NRG2: variants seen among roughly 807,000 people sequenced by gnomAD.
NRG2 encodes the protein neuregulin 2.
In NRG2, 27 loss-of-function variants were observed where a neutral mutation model predicts 73.9. The observed-to-expected ratio is 0.37, with a 90% CI of 0.27 to 0.50. The LOEUF (loss-of-function observed/expected upper bound fraction) is 0.50, where lower values mean the gene tolerates loss of function less well. Among genes scored for constraint, NRG2 ranks in the 20% least tolerant of loss-of-function variants. The probability of loss-of-function intolerance (pLI) is 0.96; values close to 1 mark genes in which losing one functional copy is unlikely to be tolerated. For synonymous variants in NRG2, 532 were observed against 541.0 expected, an observed-to-expected ratio of 0.98 and a Z score of 0.23; for missense variants, 1,126 against 1,210.1, an observed-to-expected ratio of 0.93 and a Z score of 1.03.
chr5:139,982,615 G>GCGAGTTTC (rs1189103619), intron 1 of NRG2, among the ~76,000 whole-genome samples: 1 of 152,236 alleles, frequency 6.6e-6, no homozygotes, highest in African/African-American at 2.4e-5. Context: ...GTCCTAGACA[G>GCGAGTTTC]CGAGTTTCCG....
intron 1 of NRG2, among the ~76,000 whole-genome samples, chr5:140,019,909 G>A (rs992038226): frequency 1.7e-4 from 26 of 152,028 alleles, no homozygotes; most frequent in Admixed American, 1.5e-3. Context: ...CTACCTCCAC[G>A]CCCGGCTAAT....
At chr5:139,963,730 A>G (rs996970496) in intron 1 of NRG2, among the ~76,000 whole-genome samples, 2 of 152,318 alleles carry the variant, frequency 1.3e-5, no homozygotes, top group African/African-American at 4.8e-5. Context: ...GCCTGACTCT[A>G]GAGTCCACCT....
intron 1 of NRG2, among the ~76,000 whole-genome samples, chr5:139,931,603 G>C (rs545004778): frequency 6.6e-6 from 1 of 152,224 alleles, no homozygotes; most frequent in East Asian, 1.9e-4. Flanking sequence ...AGAAGATAAA[G>C]AATTCAAAGG....
At chr5:139,949,693 A>AGAGAACTTTCCTTTAG (rs1259147104) in intron 1 of NRG2, among the ~76,000 whole-genome samples, 1 of 152,246 alleles carries the variant, frequency 6.6e-6, no homozygotes, top group East Asian at 1.9e-4. Context: ...TATTTGGTGC[A>AGAGAACTTTCCTTTAG]GAGAACTTTC....
chr5:139,879,707 G>A (rs1763405530), intron 3 of NRG2, among the ~76,000 whole-genome samples: 1 of 152,182 alleles, frequency 6.6e-6, no homozygotes, highest in South Asian at 2.1e-4. Context: ...TCTGGTTCAG[G>A]TGACTAGGGA....
At chr5:139,889,731 G>C (rs528145295) in intron 1 of NRG2, among the ~76,000 whole-genome samples, 1 of 152,286 alleles carries the variant, frequency 6.6e-6, no homozygotes, top group East Asian at 1.9e-4. Context: ...CTGTATGGGG[G>C]AGGATGGCTC....
chr5:139,989,012 T>C (rs1425906882), intron 1 of NRG2, among the ~76,000 whole-genome samples: 3 of 152,150 alleles, frequency 2.0e-5, no homozygotes, highest in East Asian at 3.9e-4. Context: ...AGAAAGACAT[T>C]AATTGAATTT....
intron 1 of NRG2, among the ~76,000 whole-genome samples, chr5:139,924,619 A>G (rs1008428496): frequency 3.9e-5 from 6 of 152,350 alleles, no homozygotes; most frequent in African/African-American, 1.2e-4. Flanking sequence ...TTTCATTAAT[A>G]TAAACCCTCT....
At chr5:139,997,385 G>A (rs1319633671) in intron 1 of NRG2, among the ~76,000 whole-genome samples, 3 of 152,210 alleles carry the variant, frequency 2.0e-5, no homozygotes, top group Non-Finnish European at 4.4e-5. Context: ...AACTCAAAGA[G>A]CAGCAGAAAT....
chr5:140,038,830 C>G (rs979909379), intron 1 of NRG2, among the ~76,000 whole-genome samples: 5 of 152,212 alleles, frequency 3.3e-5, no homozygotes, highest in Admixed American at 6.5e-5. Context: ...TACAACCATG[C>G]CTTGTCCTCA....
chr5:140,023,535 T>C (rs1353276567), intron 1 of NRG2, among the ~76,000 whole-genome samples: 1 of 152,264 alleles, frequency 6.6e-6, no homozygotes, highest in African/African-American at 2.4e-5. Context: ...TGCTACTGAT[T>C]CATGTGAGTT....
chr5:139,978,246 A>G (rs1000921852), intron 1 of NRG2, among the ~76,000 whole-genome samples: 22 of 152,366 alleles, frequency 1.4e-4, no homozygotes, highest in South Asian at 6.2e-4. Flanking sequence ...ACAAATTTAC[A>G]AGAAAAAATC....
chr5:139,975,506 G>A (rs1000173006), intron 1 of NRG2, among the ~76,000 whole-genome samples: 1 of 152,224 alleles, frequency 6.6e-6, no homozygotes, highest in Admixed American at 6.5e-5. Context: ...GAGAGCCAGA[G>A]AGGGCAGACA....
chr5:139,982,286 CG>C (rs1405121293), intron 1 of NRG2, among the ~76,000 whole-genome samples: 1 of 152,116 alleles, frequency 6.6e-6, no homozygotes, highest in African/African-American at 2.4e-5. Context: ...AGCATGATCC[CG>C]GGGCACTCCT....
At chr5:139,859,858 T>C (rs773368586) in intron 5 of NRG2, 2 of 1,608,950 alleles carry the variant, frequency 1.2e-6, no homozygotes, top group African/African-American at 1.3e-5. Flanking sequence ...GCCACGCAGA[T>C]GGTGCTGAGT....
At position 139,848,079 on chromosome 5, in the gene NRG2, G is replaced by A; in HGVS notation, c.2391C>T (p.Gly797=). The A allele has an allele frequency of 6.7e-7, 1 of 1,495,524 alleles. No homozygotes were observed. The highest frequency in any genetic ancestry group is 1.5e-5 in the African/African-American group (1 of 68,722). 92.6% of individuals were successfully genotyped at this position (1,495,524 alleles called of 1,614,324 possible). Residue 797 remains glycine (G), a synonymous_variant, in exon 10 of 10, where the codon GGC becomes GGT. Transcript: ENST00000361474. ...ALAAESTPFL[G]LRGAHDALRS... is the part of the protein sequence containing the mutation. Reference sequence around the variant, plus strand: ...GCAGCGCGTCGTGCGCCCCACGCAGGCCCAGGAAAGGTGTGCTCTCGGCCG... The same window carrying A: ...GCAGCGCGTCGTGCGCCCCACGCAGACCCAGGAAAGGTGTGCTCTCGGCCG...
At chr5:139,948,892 G>T (rs1329303984) in intron 1 of NRG2, among the ~76,000 whole-genome samples, 1 of 151,948 alleles carries the variant, frequency 6.6e-6, no homozygotes, top group East Asian at 1.9e-4. Context: ...TGGACATGAG[G>T]GTAAGACAGA....
intron 1 of NRG2, among the ~76,000 whole-genome samples, chr5:139,935,312 A>G (rs1230269688): frequency 6.6e-6 from 1 of 152,260 alleles, no homozygotes; most frequent in African/African-American, 2.4e-5. Context: ...AGTTGATACA[A>G]TAAGTGGACA....
chr5:140,032,851 A>G (rs1335600316), intron 1 of NRG2, among the ~76,000 whole-genome samples: 2 of 152,230 alleles, frequency 1.3e-5, no homozygotes, highest in Non-Finnish European at 2.9e-5. Flanking sequence ...ATAATAAACA[A>G]CAAATATTTA....
Sources: gnomAD v4.1 joint callset for allele counts (sites outside exome capture counted in the v4.1 genomes callset) on GRCh38, gnomAD v4.1.1 for gene constraint, MANE v1.5 for transcripts, NCBI Gene and HGNC (gene_info 2026-07-23, HGNC 2026-07-21) for gene names.